The following ANKRD30A variants were observed in gnomAD, a reference collection of about 807,000 sequenced individuals.
The protein encoded by ANKRD30A is ankyrin repeat domain 30A.
ANKRD30A carries 170 observed loss-of-function variants against 166.3 expected under a neutral mutation model. The observed-to-expected ratio is 1.02, with a 90% CI of 0.90 to 1.16. The LOEUF is 1.16. Ranked by LOEUF, ANKRD30A falls within the 50% of genes most tolerant of loss-of-function variation. The pLI is 0.00. For synonymous variants in ANKRD30A, 564 were observed against 508.9 expected, an observed-to-expected ratio of 1.11 and a Z score of -1.46; for missense variants, 1,630 against 1,518.0, an observed-to-expected ratio of 1.07 and a Z score of -1.23.
intron 35 of ANKRD30A, among the ~76,000 whole-genome samples, chr10:37,231,886 T>G (rs1402924379): frequency 6.6e-6 from 1 of 152,066 alleles, no homozygotes; most frequent in Non-Finnish European, 1.5e-5. Flanking sequence ...ATTTGTTAAC[T>G]TCATTCAATA....
chr10:37,137,376 C>T (rs1237628491), intron 6 of ANKRD30A, among the ~76,000 whole-genome samples: 5 of 152,140 alleles, frequency 3.3e-5, no homozygotes, highest in African/African-American at 4.8e-5. Context: ...GGAAAGTGGG[C>T]GCAGGACAGT....
Position 37,133,959 on chromosome 10 carries a change from G to A in ANKRD30A, c.661G>A (p.Val221Ile). The change falls in exon 5 of 36, where the codon GTT (valine) becomes ATT (isoleucine). Residue 221 changes from valine to isoleucine, a missense_variant. Transcript: ENST00000361713. ...LAVCHGSSEI[V>I]GMLLQQNVDV... ...TGTATGTCATGGATCATCAGAGATA[G>A]TTGGCATGCTTCTTCAGCAAAATGT... The A allele has an allele frequency of 6.2e-7, 1 of 1,614,118 alleles. No homozygotes were observed. The highest frequency in any genetic ancestry group is 8.5e-7 in the Non-Finnish European group (1 of 1,179,982).
chr10:37,128,965 A>G (rs1564460763), intron 1 of ANKRD30A, among the ~76,000 whole-genome samples: 1 of 152,216 alleles, frequency 6.6e-6, no homozygotes, highest in African/African-American at 2.4e-5. Flanking sequence ...ATGAATTTAC[A>G]TACATTCTGT....
intron 34 of ANKRD30A, among the ~76,000 whole-genome samples, chr10:37,225,759 T>C (rs1843118801): frequency 6.6e-6 from 1 of 151,846 alleles, no homozygotes; most frequent in African/African-American, 2.4e-5. Flanking sequence ...CGCCATCCTA[T>C]GATGACTTCA....
chr10:37,157,382 A>G (rs1186619883), intron 13 of ANKRD30A, among the ~76,000 whole-genome samples: 2 of 152,152 alleles, frequency 1.3e-5, no homozygotes, highest in Admixed American at 6.6e-5. Context: ...ATACATCCAT[A>G]TAAGATGTTT....
intron 34 of ANKRD30A, among the ~76,000 whole-genome samples, chr10:37,230,171 A>G (rs1212878207): frequency 6.6e-6 from 1 of 152,032 alleles, no homozygotes; most frequent in Non-Finnish European, 1.5e-5. Context: ...AATCAGAAAA[A>G]TATAAACACC....
chr10:37,199,288 A>G (rs1452268980), intron 29 of ANKRD30A, among the ~76,000 whole-genome samples: 4 of 152,122 alleles, frequency 2.6e-5, no homozygotes, highest in Admixed American at 6.5e-5. Context: ...AATCTTATTC[A>G]TTGATAAATC....
At chr10:37,225,632 T>G (rs931684007) in intron 34 of ANKRD30A, among the ~76,000 whole-genome samples, 2 of 151,798 alleles carry the variant, frequency 1.3e-5, no homozygotes, top group African/African-American at 2.4e-5. Context: ...AAAAAAATTT[T>G]TTTGGGCTTG....
the ANKRD30A span, among the ~76,000 whole-genome samples, chr10:37,253,127 G>A: frequency 4.1e-4 from 63 of 152,272 alleles, no homozygotes; most frequent in Non-Finnish European, 7.1e-4. Context: ...AGTGGAAAGC[G>A]AAGGCACACG....
the ANKRD30A span, among the ~76,000 whole-genome samples, chr10:37,258,594 A>C: frequency 2.0e-5 from 3 of 151,782 alleles, no homozygotes; most frequent in Non-Finnish European, 4.4e-5. Context: ...CCTATCTTAC[A>C]TCATAAACAA....
chr10:37,232,697 T>TAGAGAGAGAGAGAG (rs5784546), downstream of ANKRD30A: 1 of 78,400 alleles, frequency 1.3e-5, no homozygotes, highest in African/African-American at 4.9e-5. Context: ...TATATATAAA[T>TAGAGAGAGAGAGAG]AGAGAGAGAG....
intron 31 of ANKRD30A, among the ~76,000 whole-genome samples, chr10:37,214,352 C>T (rs1036910066): frequency 4.1e-4 from 62 of 151,422 alleles, no homozygotes; most frequent in African/African-American, 1.5e-3. Flanking sequence ...TATATCCATT[C>T]TGACAATCTG....
At chr10:37,246,344 C>T in the ANKRD30A span, among the ~76,000 whole-genome samples, 7 of 152,186 alleles carry the variant, frequency 4.6e-5, no homozygotes, top group East Asian at 3.9e-4. Flanking sequence ...TGCATTTGTC[C>T]GATAAACTGA....
Position 37,130,356 on chromosome 10 carries a change from C to A in ANKRD30A, c.488C>A (p.Ala163Glu). The change falls in exon 3 of 36, where the codon GCA becomes GAA. Residue 163 changes from alanine (A) to glutamate (E), a missense_variant. By Grantham distance (107) the Ala-to-Glu change is moderately radical (BLOSUM62 -1). This residue lies in a region of ANKRD30A where 904 missense variants were observed against 818.5 expected (regional missense o/e 1.10). Coordinates refer to ENST00000361713, the MANE Select transcript of ANKRD30A (RefSeq NM_052997.3). ...GTGGCAAAACTGCTGTCCCATGGTG[C>A]AGTCATCGAAGTGCACAACAAGGTA... ...SVVAKLLSHG[A>E]VIEVHNKASL... 1 of 1,538,878 alleles carries A rather than the reference C, an allele frequency of 6.5e-7. No individual in the cohort carries two copies. Among genetic ancestry groups the A allele is most frequent in the Non-Finnish European group, 8.8e-7 (1 of 1,142,376 alleles).
At chr10:37,150,345 T>C (rs1203260660) in intron 11 of ANKRD30A, among the ~76,000 whole-genome samples, 1 of 152,026 alleles carries the variant, frequency 6.6e-6, no homozygotes, top group Non-Finnish European at 1.5e-5. Flanking sequence ...TCTGCGTGTG[T>C]TCCTGTGTGT....
chr10:37,133,692 C>T (rs1457844288), intron 4 of ANKRD30A, among the ~76,000 whole-genome samples: 2 of 152,186 alleles, frequency 1.3e-5, no homozygotes, highest in Non-Finnish European at 2.9e-5. Flanking sequence ...TTTCTTGCCT[C>T]TCAAAGGACT....
At chr10:37,161,754 A>G (rs1838894663) in intron 15 of ANKRD30A, among the ~76,000 whole-genome samples, 1 of 152,288 alleles carries the variant, frequency 6.6e-6, no homozygotes, top group East Asian at 1.9e-4. Flanking sequence ...CAAATGACAC[A>G]TATTGAAAAC....
At chr10:37,130,841 G>C (rs1037008463) in intron 3 of ANKRD30A, among the ~76,000 whole-genome samples, 2 of 152,144 alleles carry the variant, frequency 1.3e-5, no homozygotes, top group African/African-American at 4.8e-5. Context: ...TTTCCAGTTT[G>C]CTACTGTGCC....
At chr10:37,263,370 A>G in the ANKRD30A span, among the ~76,000 whole-genome samples, 1 of 151,984 alleles carries the variant, frequency 6.6e-6, no homozygotes, top group African/African-American at 2.4e-5. Flanking sequence ...TGATTCAAGA[A>G]CATTACGTTT....
Sources: gnomAD v4.1 joint callset for allele counts (sites outside exome capture counted in the v4.1 genomes callset) on GRCh38, gnomAD v4.1.1 for gene constraint, gnomAD v4.1.1 regional missense constraint, MANE v1.5 for transcripts, NCBI Gene and HGNC (gene_info 2026-07-23, HGNC 2026-07-21) for gene names.